KHDRBS3: variants seen among roughly 807,000 people sequenced by gnomAD.
KHDRBS3 encodes KH domain-containing, RNA-binding, signal transduction-associated protein 3.
A neutral mutation model predicts 45.6 loss-of-function variants in KHDRBS3; 23 were observed. The ratio of observed to expected loss-of-function variants is 0.50; its 90% CI spans 0.36 to 0.72. KHDRBS3 has a LOEUF of 0.72. Ranked by LOEUF, KHDRBS3 falls within the 30% of genes least tolerant of loss-of-function variation. KHDRBS3 has a pLI of 0.00. For missense variants in KHDRBS3, 352 were observed against 424.8 expected, an observed-to-expected ratio of 0.83 and a Z score of 1.51; for synonymous variants, 162 against 156.5, an observed-to-expected ratio of 1.04 and a Z score of -0.26.
At chr8:135,543,342 C>A (rs929707280) in intron 3 of KHDRBS3, among the ~76,000 whole-genome samples, 13 of 152,018 alleles carry the variant, frequency 8.6e-5, no homozygotes, top group Non-Finnish European at 1.8e-4. Flanking sequence ...TTTTATTGAT[C>A]ATTTTCTTAA....
At chr8:135,566,743 A>G (rs1223385162) in intron 5 of KHDRBS3, among the ~76,000 whole-genome samples, 1 of 152,156 alleles carries the variant, frequency 6.6e-6, no homozygotes, top group African/African-American at 2.4e-5. Flanking sequence ...GCACATGCCT[A>G]TAGTCACAGC....
intron 5 of KHDRBS3, among the ~76,000 whole-genome samples, chr8:135,574,990 G>A (rs1827884821): frequency 1.3e-5 from 2 of 152,156 alleles, no homozygotes; most frequent in Admixed American, 6.5e-5. Flanking sequence ...TAGTTTGAGT[G>A]CTAATTGTCA....
intron 1 of KHDRBS3, among the ~76,000 whole-genome samples, chr8:135,497,648 A>C (rs1054987461): frequency 2.6e-5 from 4 of 152,258 alleles, no homozygotes; most frequent in African/African-American, 9.6e-5. Context: ...ATAATGTTTT[A>C]CTATAAATGC....
At chr8:135,580,260 C>T (rs1285429452) in intron 5 of KHDRBS3, among the ~76,000 whole-genome samples, 1 of 152,168 alleles carries the variant, frequency 6.6e-6, no homozygotes, top group Non-Finnish European at 1.5e-5. Flanking sequence ...TGACCAGCCC[C>T]ACAGATTGGG....
chr8:135,518,240 C>A (rs952826402), intron 1 of KHDRBS3, among the ~76,000 whole-genome samples: 1 of 152,080 alleles, frequency 6.6e-6, no homozygotes, highest in Non-Finnish European at 1.5e-5. Context: ...GTGACACGAT[C>A]TCACCTCACT....
At chr8:135,584,264 G>A (rs752567143) in intron 6 of KHDRBS3, among the ~76,000 whole-genome samples, 2 of 152,188 alleles carry the variant, frequency 1.3e-5, no homozygotes, top group African/African-American at 4.8e-5. Context: ...GGTCATATCC[G>A]CCAGTGTTGT....
chr8:135,614,300 C>A (rs575426790), intron 7 of KHDRBS3, among the ~76,000 whole-genome samples: 17 of 151,802 alleles, frequency 1.1e-4, no homozygotes, highest in Non-Finnish European at 2.4e-4. Flanking sequence ...TGATAATGAC[C>A]TCAGCCCTCA....
At chr8:135,649,774 C>T (rs563590164), downstream of KHDRBS3, among the ~76,000 whole-genome samples, 20 of 152,124 alleles carry the variant, frequency 1.3e-4, no homozygotes, top group African/African-American at 4.8e-4. Flanking sequence ...AGGGTCAATC[C>T]TCAGGTGCTA....
At chr8:135,635,479 G>T (rs1237163681) in intron 7 of KHDRBS3, among the ~76,000 whole-genome samples, 7 of 152,164 alleles carry the variant, frequency 4.6e-5, no homozygotes, top group African/African-American at 1.7e-4. Flanking sequence ...TGCTTCCCAG[G>T]TTCAAGCGAT....
In KHDRBS3 at chr8:135,574,356, T is replaced by C. The variant is rs181053215; in HGVS notation, c.612-7522T>C. Among the ~76,000 whole-genome samples the C allele has an allele frequency of 3.5e-3, 540 of 152,322 alleles. 1 individual carries two copies. The highest frequency in any genetic ancestry group is 6.2e-3 in the Non-Finnish European group (420 of 68,036). ...ACCTAAAAAACTAATTTTCAAAATA[T>C]CTTTTATAGATAAGCGTCCAGAACA... On this transcript the variant is annotated intron_variant, in intron 5 of 8. Coordinates refer to ENST00000355849, the MANE Select transcript of KHDRBS3 (RefSeq NM_006558.3).
intron 5 of KHDRBS3, among the ~76,000 whole-genome samples, chr8:135,568,706 A>C (rs1023455130): frequency 1.3e-5 from 2 of 152,202 alleles, no homozygotes; most frequent in African/African-American, 2.4e-5. Flanking sequence ...AGTAATAAAC[A>C]TGTGCTCTCT....
chr8:135,613,359 T>C (rs2131054281), intron 7 of KHDRBS3, among the ~76,000 whole-genome samples: 1 of 151,910 alleles, frequency 6.6e-6, no homozygotes, highest in East Asian at 1.9e-4. Flanking sequence ...TAAGCCTCCT[T>C]TTATAAAATG....
intron 1 of KHDRBS3, among the ~76,000 whole-genome samples, chr8:135,515,362 T>C (rs1156493202): frequency 2.8e-5 from 1 of 35,732 alleles, no homozygotes; most frequent in Non-Finnish European, 5.3e-5. Context: ...CGAGACTCCG[T>C]CTTAAAAAAA....
intron 7 of KHDRBS3, among the ~76,000 whole-genome samples, chr8:135,627,525 G>C (rs948306465): frequency 6.6e-6 from 1 of 152,236 alleles, no homozygotes; most frequent in Non-Finnish European, 1.5e-5. Flanking sequence ...GAAGATGCAT[G>C]TTAAACAGGC....
In KHDRBS3 at chr8:135,647,146, A is replaced by AT; in HGVS notation, c.*69dup. ...CCAGTCCTGTATACTGTTCAAAGTA[A>AT]TTTTTTTCTATGAACAATCCCTTTT... On this transcript the variant is annotated 3_prime_UTR_variant, in exon 9 of 9. Coordinates refer to ENST00000355849, the MANE Select transcript of KHDRBS3 (RefSeq NM_006558.3). The AT allele has an allele frequency of 2.9e-6, 2 of 694,246 alleles. No homozygotes were observed. The highest frequency in any genetic ancestry group is 2.3e-5 in the South Asian group (1 of 43,174). The allele number at this position is 694,246 out of a possible 1,614,324, so 43.0% of individuals were successfully genotyped here. A position where few individuals can be genotyped will look rare whatever the true frequency, so the allele number is the denominator to read the frequency against.
intron 5 of KHDRBS3, among the ~76,000 whole-genome samples, chr8:135,567,040 C>T (rs1056290056): frequency 6.6e-6 from 1 of 152,146 alleles, no homozygotes; most frequent in Non-Finnish European, 1.5e-5. Flanking sequence ...CATAATTACT[C>T]CTGAACGCCT....
At chr8:135,510,809 C>T (rs1385607072) in intron 1 of KHDRBS3, among the ~76,000 whole-genome samples, 1 of 152,182 alleles carries the variant, frequency 6.6e-6, no homozygotes, top group Non-Finnish European at 1.5e-5. Flanking sequence ...TAAGTATTCT[C>T]TTCCTAGTCT....
intron 1 of KHDRBS3, among the ~76,000 whole-genome samples, chr8:135,471,859 A>G (rs1441492715): frequency 6.6e-6 from 1 of 152,232 alleles, no homozygotes; most frequent in Non-Finnish European, 1.5e-5. Context: ...TGTGCATGCA[A>G]CATTGCATTT....
chr8:135,493,467 C>CT (rs1183550756), intron 1 of KHDRBS3, among the ~76,000 whole-genome samples: 1 of 151,944 alleles, frequency 6.6e-6, no homozygotes, highest in Non-Finnish European at 1.5e-5. Context: ...GAAGAAGTTT[C>CT]TTTTTATTCC....
Sources: allele counts gnomAD v4.1 joint callset (sites outside exome capture counted in the v4.1 genomes callset), GRCh38; gene constraint gnomAD v4.1.1; transcripts MANE v1.5; gene names NCBI Gene and HGNC (gene_info 2026-07-23, HGNC 2026-07-21).